CREB5: variants seen among roughly 807,000 people sequenced by gnomAD.
The protein encoded by CREB5 is cyclic AMP-responsive element-binding protein 5.
CREB5 carries 19 observed loss-of-function variants against 57.1 expected under a neutral mutation model. The ratio of observed to expected loss-of-function variants is 0.33; its 90% CI spans 0.23 to 0.49. The LOEUF is 0.49. Among genes scored for constraint, CREB5 ranks in the 20% least tolerant of loss-of-function variants. CREB5 has a pLI of 0.99. For synonymous variants in CREB5, 238 were observed against 238.3 expected (o/e 1.00, Z 0.01); for missense variants, 579 against 671.6 (o/e 0.86, Z 1.52).
Position 28,445,773 on chromosome 7 carries a change from G to A in CREB5, c.3+32856G>A, listed in dbSNP as rs1309695604. ...TCACTGTGTTAGCCAGGATGATCTC[G>A]ATCTTCTGACCTCATGATCCGCCTG... is the stretch of plus-strand genomic sequence containing the variant. On this transcript the variant is annotated intron_variant, in intron 1 of 10. Transcript: ENST00000357727. Among the ~76,000 whole-genome samples, 268 of 151,654 alleles carry A rather than the reference G, an allele frequency of 1.8e-3. 1 individual carries two copies. Among genetic ancestry groups the A allele is most frequent in the Middle Eastern group, 6.8e-3 (2 of 294 alleles).
chr7:28,675,669 G>T (rs540992381), intron 5 of CREB5, among the ~76,000 whole-genome samples: 2 of 152,078 alleles, frequency 1.3e-5, no homozygotes, highest in African/African-American at 4.8e-5. Context: ...AAATTAAGAC[G>T]GAACTGCCTC....
At chr7:28,490,853 A>G (rs1299046307) in intron 2 of CREB5, among the ~76,000 whole-genome samples, 1 of 152,146 alleles carries the variant, frequency 6.6e-6, no homozygotes, top group African/African-American at 2.4e-5. Context: ...TCTACTTCTA[A>G]TCTATGTTCT....
At chr7:28,312,579 T>C (rs928258589) in intron 1 of CREB5, among the ~76,000 whole-genome samples, 5 of 152,152 alleles carry the variant, frequency 3.3e-5, no homozygotes, top group Admixed American at 3.3e-4. Flanking sequence ...TCTGTGAACT[T>C]GGACAAGTCA....
chr7:28,648,953 G>A (rs1319922672), intron 5 of CREB5, among the ~76,000 whole-genome samples: 1 of 152,132 alleles, frequency 6.6e-6, no homozygotes, highest in Admixed American at 6.5e-5. Context: ...TAAAGGTTTT[G>A]TGCTTTTGGA....
At chr7:28,399,158 G>C (rs543348737) in intron 1 of CREB5, among the ~76,000 whole-genome samples, 9 of 152,162 alleles carry the variant, frequency 5.9e-5, no homozygotes, top group African/African-American at 2.2e-4. Context: ...AGTGGGGAAG[G>C]CCTTTCTAGA....
intron 1 of CREB5, among the ~76,000 whole-genome samples, chr7:28,316,594 G>A (rs756307638): frequency 1.6e-4 from 24 of 151,894 alleles, no homozygotes; most frequent in Admixed American, 1.5e-3. Context: ...ATCTCGTATC[G>A]CTCCTGCCAA....
Position 28,488,294 on chromosome 7 carries a change from G to A in CREB5, c.75+48G>A, listed in dbSNP as rs753872065. 12 of 1,559,218 alleles carry A rather than the reference G, an allele frequency of 7.7e-6. 1 individual carries two copies. The highest frequency in any genetic ancestry group is 9.7e-6 in the Non-Finnish European group (11 of 1,133,878). On this transcript the variant is annotated intron_variant, in intron 2 of 10. Transcript: ENST00000357727. ...CTCTGACATGCAGGGCCTGCTTTCCGAAAGGGAAGCAACTCTCACCCGGCA... is the reference window on the plus strand; with the variant it reads ...CTCTGACATGCAGGGCCTGCTTTCCAAAAGGGAAGCAACTCTCACCCGGCA...
chr7:28,765,518 T>C (rs539587487), intron 7 of CREB5, among the ~76,000 whole-genome samples: 10 of 152,324 alleles, frequency 6.6e-5, no homozygotes, highest in African/African-American at 2.4e-4. Flanking sequence ...ATTTGCCTTA[T>C]TCGTAGCTTT....
intron 4 of CREB5, among the ~76,000 whole-genome samples, chr7:28,541,245 C>T (rs1794199285): frequency 6.6e-6 from 1 of 152,172 alleles, no homozygotes. Context: ...TCTGCACTCT[C>T]ACTGGTCTTT....
intron 7 of CREB5, among the ~76,000 whole-genome samples, chr7:28,777,907 CA>C (rs1160220017): frequency 6.6e-6 from 1 of 152,152 alleles, no homozygotes; most frequent in Non-Finnish European, 1.5e-5. Context: ...CTATTGTCAA[CA>C]GAATATTTTC....
At chr7:28,435,696 G>A (rs991184057) in intron 1 of CREB5, 2 of 983,658 alleles carry the variant, frequency 2.0e-6, no homozygotes, top group African/African-American at 1.7e-5. Context: ...AGGGTAAGTG[G>A]TGGGGTTGTA....
intron 1 of CREB5, among the ~76,000 whole-genome samples, chr7:28,373,720 C>A (rs1387600056): frequency 6.6e-6 from 1 of 151,916 alleles, no homozygotes; most frequent in Non-Finnish European, 1.5e-5. Context: ...ACCACCGTGT[C>A]CAGCCTAAAT....
intron 3 of CREB5, among the ~76,000 whole-genome samples, chr7:28,501,642 T>G (rs1347865776): frequency 6.6e-6 from 1 of 152,184 alleles, no homozygotes; most frequent in Non-Finnish European, 1.5e-5. Context: ...GGGCAATTTT[T>G]GATAATAAAA....
chr7:28,361,867 C>T (rs1402295644), intron 1 of CREB5, among the ~76,000 whole-genome samples: 1 of 152,150 alleles, frequency 6.6e-6, no homozygotes, highest in Non-Finnish European at 1.5e-5. Flanking sequence ...TGTAGCCTAA[C>T]AAAACAGCAA....
chr7:28,807,144 C>G lies in CREB5; in HGVS notation c.1027-2043C>G, dbSNP rs145746413. ...AGGAAAAGAGTCACCAACAAACAAACAGTTCTAGAAAATGTCTTTGCTGGC... is the reference window on the plus strand; with the variant it reads ...AGGAAAAGAGTCACCAACAAACAAAGAGTTCTAGAAAATGTCTTTGCTGGC... On this transcript the variant is annotated intron_variant, in intron 8 of 10. Transcript: ENST00000357727. Among the ~76,000 whole-genome samples, 578 of 152,274 alleles carry G rather than the reference C, an allele frequency of 3.8e-3. 5 individuals are homozygous for G. The highest frequency in any genetic ancestry group is 0.013 in the African/African-American group (549 of 41,548).
At chr7:28,560,524 G>T (rs1013652089) in intron 4 of CREB5, among the ~76,000 whole-genome samples, 1 of 152,106 alleles carries the variant, frequency 6.6e-6, no homozygotes, top group African/African-American at 2.4e-5. Flanking sequence ...GGACTAAAAG[G>T]ATTGGAAGCC....
intron 4 of CREB5, among the ~76,000 whole-genome samples, chr7:28,569,174 T>C (rs893709342): frequency 6.6e-6 from 1 of 151,900 alleles, no homozygotes; most frequent in African/African-American, 2.4e-5. Context: ...TTTTCTTTTT[T>C]AGAGACAGAG....
chr7:28,680,987 A>G (rs1381002082), intron 5 of CREB5, among the ~76,000 whole-genome samples: 4 of 152,062 alleles, frequency 2.6e-5, no homozygotes, highest in South Asian at 4.2e-4. Context: ...TCAAGTTCCA[A>G]TTTCCCTGGG....
At chr7:28,592,693 T>G (rs1796564594) in intron 5 of CREB5, among the ~76,000 whole-genome samples, 1 of 152,172 alleles carries the variant, frequency 6.6e-6, no homozygotes, top group South Asian at 2.1e-4. Context: ...CCTGTTCAAG[T>G]GCCGTGGCCT....
Sources: gnomAD v4.1 joint callset for allele counts (sites outside exome capture counted in the v4.1 genomes callset) on GRCh38, gnomAD v4.1.1 for gene constraint, MANE v1.5 for transcripts, NCBI Gene and HGNC (gene_info 2026-07-23, HGNC 2026-07-21) for gene names.